RAPGEF2: variants seen among roughly 807,000 people sequenced by gnomAD.
RAPGEF2 encodes PDZ domain containing guanine nucleotide exchange factor (GEF) 1.
A neutral mutation model predicts 186.7 loss-of-function variants in RAPGEF2; 54 were observed. The ratio of observed to expected loss-of-function variants is 0.29; its 90% CI spans 0.23 to 0.36. The LOEUF (loss-of-function observed/expected upper bound fraction) is 0.36. Among genes scored for constraint, RAPGEF2 ranks in the 10% least tolerant of loss-of-function variants. RAPGEF2 has a pLI of 1.00. For missense variants in RAPGEF2, 1,532 were observed against 2,045.0 expected (o/e 0.75, Z 4.84); for synonymous variants, 712 against 705.9 (o/e 1.01, Z -0.14).
chr4:159,179,402 A>G (rs1042246983), intron 1 of RAPGEF2, among the ~76,000 whole-genome samples: 1 of 152,174 alleles, frequency 6.6e-6, no homozygotes, highest in Admixed American at 6.5e-5. Flanking sequence ...CCTTCTATGA[A>G]TGTTTCTTGT....
At chr4:159,326,408 A>C (rs971615361) in intron 11 of RAPGEF2, among the ~76,000 whole-genome samples, 5 of 152,234 alleles carry the variant, frequency 3.3e-5, no homozygotes, top group African/African-American at 1.2e-4. Context: ...TATCTTTACC[A>C]AGAAAAAACA....
chr4:159,193,449 T>C (rs991983355), intron 3 of RAPGEF2, among the ~76,000 whole-genome samples, 193 bp downstream of exon 3: 4 of 152,198 alleles, frequency 2.6e-5, no homozygotes, highest in Non-Finnish European at 5.9e-5. Flanking sequence ...AAGTTCACAT[T>C]TGTGTCTATA....
At chr4:159,254,632 A>G (rs900817090) in intron 7 of RAPGEF2, among the ~76,000 whole-genome samples, 23 of 147,356 alleles carry the variant, frequency 1.6e-4, no homozygotes, top group African/African-American at 5.6e-4. Flanking sequence ...TAAATGAGAC[A>G]GAGTCTTGCT....
intron 8 of RAPGEF2, among the ~76,000 whole-genome samples, chr4:159,314,142 G>A (rs1374840593): frequency 6.6e-6 from 1 of 152,144 alleles, no homozygotes; most frequent in African/African-American, 2.4e-5. Context: ...TTGATTTGTG[G>A]CTCATTTTTC....
chr4:159,296,330 A>G (rs1045658987), intron 7 of RAPGEF2, among the ~76,000 whole-genome samples: 5 of 152,360 alleles, frequency 3.3e-5, no homozygotes, highest in African/African-American at 1.2e-4. Flanking sequence ...GATGCAGATT[A>G]AAGTTTCATG....
chr4:159,267,125 A>G (rs1757526846), intron 7 of RAPGEF2: 1 of 1,250,332 alleles, frequency 8.0e-7, no homozygotes, highest in Non-Finnish European at 1.0e-6. Flanking sequence ...ACATCACTAG[A>G]ACTGCATTGA....
intron 1 of RAPGEF2, among the ~76,000 whole-genome samples, chr4:159,172,938 C>T (rs1746064476): frequency 6.6e-6 from 1 of 152,098 alleles, no homozygotes; most frequent in Non-Finnish European, 1.5e-5. Flanking sequence ...TAAACTATTC[C>T]TCTTCTCTGC....
chr4:159,353,580 G>A lies in RAPGEF2; in HGVS notation c.4185G>A (p.Gly1395=). 1 of 1,586,684 alleles carries A rather than the reference G, an allele frequency of 6.3e-7. No individual in the cohort carries two copies. The highest frequency in any genetic ancestry group is 1.2e-5 in the South Asian group (1 of 85,344). The change falls in exon 28 of 30, where the codon GGG becomes GGA. Residue 1395 remains glycine, a synonymous_variant. Coordinates refer to ENST00000691494, the MANE Select transcript of RAPGEF2 (RefSeq NM_001394067.2). The surrounding 1 kb of genome is among the most constrained non-coding windows in gnomAD (Gnocchi z 4.3). The part of the protein sequence containing the change: ...PSTEELSQDQ[G]DRASLDAADS... ...CAGAGGAACTTTCCCAGGATCAGGG[G>A]GATCGCGCGTCACTTGATGCTGCTG...
intron 1 of RAPGEF2, among the ~76,000 whole-genome samples, chr4:159,135,766 A>G (rs1225932092): frequency 4.6e-5 from 7 of 151,738 alleles, no homozygotes; most frequent in Non-Finnish European, 8.8e-5. Flanking sequence ...TGCCTGGCCA[A>G]TTTTTGTATT....
At chr4:159,184,615 TA>T (rs1747369857) in intron 1 of RAPGEF2, among the ~76,000 whole-genome samples, 1 of 152,242 alleles carries the variant, frequency 6.6e-6, no homozygotes, top group African/African-American at 2.4e-5. Flanking sequence ...TAAATTTGTT[TA>T]AGTTCTTTGT....
chr4:159,106,988 T>C (rs1031697677), intron 1 of RAPGEF2, among the ~76,000 whole-genome samples: 14 of 152,134 alleles, frequency 9.2e-5, no homozygotes, highest in Admixed American at 9.2e-4. Context: ...ACCAAAAAAA[T>C]TATCATCTAA....
Position 159,341,839 on chromosome 4 carries a change from T to A in RAPGEF2, c.2810T>A (p.Leu937His). 1 of 1,613,684 alleles carries A rather than the reference T, an allele frequency of 6.2e-7. No homozygotes were observed. Residue 937 changes from leucine to histidine, a missense_variant, in exon 20 of 30, where the codon CTC becomes CAC. By Grantham distance (99) the Leu-to-His change is moderately conservative. This residue lies in a region of RAPGEF2 where 810 missense variants were observed against 1,210.5 expected (regional missense o/e 0.67). Coordinates refer to ENST00000691494, the MANE Select transcript of RAPGEF2 (RefSeq NM_001394067.2). Reference protein sequence around the residue: ...QETFWVASEILRETNQLKRMK... With the variant: ...QETFWVASEIHRETNQLKRMK... ...ACATTTTGGGTAGCATCTGAAATTC[T>A]CAGAGAAACAAACCAGCTGAAGAGG... is the stretch of plus-strand genomic sequence containing the variant.
At chr4:159,111,882 CTGTAGTGTAAT>C (rs1287500286) in intron 1 of RAPGEF2, among the ~76,000 whole-genome samples, 1 of 152,128 alleles carries the variant, frequency 6.6e-6, no homozygotes, top group Non-Finnish European at 1.5e-5. Context: ...GCTTATAAAA[CTGTAGTGTAAT>C]ATCACAATCA....
In RAPGEF2 at chr4:159,275,173, A is replaced by G. The variant is rs145867597; in HGVS notation, c.544-29169A>G. ...ATAACTTATCAATCATCCACTGTCTATATTTCTTTTGTACTCTGAAGTCAC... is the reference window on the plus strand; with the variant it reads ...ATAACTTATCAATCATCCACTGTCTGTATTTCTTTTGTACTCTGAAGTCAC... On this transcript the variant is annotated intron_variant, in intron 7 of 29. Coordinates refer to ENST00000691494, the MANE Select transcript of RAPGEF2 (RefSeq NM_001394067.2). 5.3e-3 allele frequency among the ~76,000 whole-genome samples: 805 copies of G among 151,928 alleles called. 5 individuals carry two copies. The highest frequency in any genetic ancestry group is 0.01 in the Middle Eastern group (3 of 294).
intron 7 of RAPGEF2, among the ~76,000 whole-genome samples, chr4:159,275,513 T>C (rs1233609376): frequency 1.3e-5 from 2 of 152,202 alleles, no homozygotes; most frequent in Non-Finnish European, 2.9e-5. Context: ...TTATTTCATA[T>C]GTATGTGTAT....
chr4:159,114,691 C>G (rs1738852514), intron 1 of RAPGEF2, among the ~76,000 whole-genome samples: 1 of 152,064 alleles, frequency 6.6e-6, no homozygotes, highest in South Asian at 2.1e-4. Flanking sequence ...ATAGAATATT[C>G]CATGTATGTT....
At chr4:159,271,880 A>G (rs1189385867) in intron 7 of RAPGEF2, among the ~76,000 whole-genome samples, 2 of 152,222 alleles carry the variant, frequency 1.3e-5, no homozygotes, top group African/African-American at 2.4e-5. Context: ...CCATTTTGAA[A>G]TCATGTTGAG....
At position 159,186,623 on chromosome 4, in the gene RAPGEF2, A is replaced by T; in HGVS notation, c.70-19A>T. 3.0e-6 allele frequency: 4 copies of T among 1,336,754 alleles called. No individual in the cohort carries two copies. The South Asian group carries it at 5.9e-5, about 20-fold the overall frequency. 82.8% of individuals were successfully genotyped at this position (1,336,754 alleles called of 1,614,324 possible). On this transcript the variant is annotated intron_variant, in intron 1 of 29. Coordinates refer to ENST00000691494, the MANE Select transcript of RAPGEF2 (RefSeq NM_001394067.2). ...TTTCCTGACAGGTCTAATAATTTCT[A>T]TTCTTTTCTTTGAAACAGGATCTGG... is the stretch of plus-strand genomic sequence containing the variant.
chr4:159,250,218 G>A lies in RAPGEF2; in HGVS notation c.543+6427G>A, dbSNP rs145777955. Among the ~76,000 whole-genome samples the A allele has an allele frequency of 3.4e-3, 515 of 152,184 alleles. 4 individuals are homozygous for A. The highest frequency in any genetic ancestry group is 0.012 in the African/African-American group (497 of 41,490). On this transcript the variant is annotated intron_variant, in intron 7 of 29. Coordinates refer to ENST00000691494, the MANE Select transcript of RAPGEF2 (RefSeq NM_001394067.2). ...CAGAAGACAACATATATGGTGCAGT[G>A]TGTACTGCTCGGGAGATGGGTGCAC... is the stretch of plus-strand genomic sequence containing the variant.
Sources: gnomAD v4.1 joint callset for allele counts (sites outside exome capture counted in the v4.1 genomes callset) on GRCh38, gnomAD v4.1.1 for gene constraint, gnomAD v4.1.1 regional missense constraint, Gnocchi (gnomAD v3.1) non-coding constraint, MANE v1.5 for transcripts, NCBI Gene and HGNC (gene_info 2026-07-23, HGNC 2026-07-21) for gene names.